The following PIERCE1 variants were observed in gnomAD, a reference collection of about 807,000 sequenced individuals.
The protein encoded by PIERCE1 is piercer of microtubule wall 1.
the PIERCE1 span, chr9:135,499,675 G>A: frequency 5.6e-6 from 9 of 1,604,364 alleles, no homozygotes; most frequent in Non-Finnish European, 5.9e-6. Context: ...TCGAGCAGTG[G>A]ACGCCAGGAC....
chr9:135,496,864 C>T, the PIERCE1 span, among the ~76,000 whole-genome samples: 2 of 147,474 alleles, frequency 1.4e-5, no homozygotes, highest in African/African-American at 5.0e-5. Flanking sequence ...ATGGCGCCAT[C>T]TCAGCTCACT....
the PIERCE1 span, chr9:135,498,441 A>T: frequency 1.5e-6 from 1 of 653,120 alleles, no homozygotes; most frequent in Non-Finnish European, 2.6e-6. The surrounding 1 kb of genome is among the most constrained non-coding windows in gnomAD (Gnocchi z 4.1). Context: ...CCTCCTCCCC[A>T]TTTGTGATGC....
the PIERCE1 span, chr9:135,498,448 A>G: frequency 1.5e-6 from 1 of 669,292 alleles, no homozygotes. The surrounding 1 kb of genome is among the most constrained non-coding windows in gnomAD (Gnocchi z 4.1). Context: ...CCCATTTGTG[A>G]TGCTGGAACT....
At chr9:135,497,123 A>G in the PIERCE1 span, among the ~76,000 whole-genome samples, 2 of 152,224 alleles carry the variant, frequency 1.3e-5, no homozygotes, top group East Asian at 3.9e-4. Context: ...AATGCAAAGC[A>G]TTTATCTTCT....
At chr9:135,496,185 C>T in the PIERCE1 span, among the ~76,000 whole-genome samples, 1 of 152,132 alleles carries the variant, frequency 6.6e-6, no homozygotes, top group Admixed American at 6.5e-5. Context: ...GGTGTGGTGG[C>T]GGGCGCATGT....
chr9:135,498,594 G>C, the PIERCE1 span: 1 of 1,613,794 alleles, frequency 6.2e-7, no homozygotes, highest in South Asian at 1.1e-5. The surrounding 1 kb of genome is among the most constrained non-coding windows in gnomAD (Gnocchi z 4.1). Context: ...CAGGCATCTC[G>C]TGCACGGTGG....
At chr9:135,499,854 T>C in the PIERCE1 span, 62 of 1,558,968 alleles carry the variant, frequency 4.0e-5, no homozygotes, top group South Asian at 2.0e-4. Context: ...TCAGCCATTG[T>C]GCCTGGAGGA....
the PIERCE1 span, chr9:135,499,799 G>A: frequency 1.1e-5 from 17 of 1,603,350 alleles, no homozygotes; most frequent in Non-Finnish European, 1.4e-5. Context: ...CGGCGGGGCC[G>A]TGGCCTTGGG....
At chr9:135,498,739 C>T in the PIERCE1 span, 70 of 1,361,426 alleles carry the variant, frequency 5.1e-5, no homozygotes, top group African/African-American at 6.4e-4. The surrounding 1 kb of genome is among the most constrained non-coding windows in gnomAD (Gnocchi z 4.1). Context: ...ATTTGGTTGA[C>T]GGCACTCCCC....
At chr9:135,499,388 T>C in the PIERCE1 span, 3 of 609,724 alleles carry the variant, frequency 4.9e-6, no homozygotes, top group Admixed American at 2.2e-5. Flanking sequence ...GTGGAGGTGC[T>C]GCTGTGCTCA....
chr9:135,496,147 T>C, the PIERCE1 span, among the ~76,000 whole-genome samples: 64,016 of 152,014 alleles, frequency 0.42, 14,241 homozygotes, highest in East Asian at 0.84. Context: ...AAATGCCGTC[T>C]CTACTAAAAA....
chr9:135,498,571 T>G, the PIERCE1 span: 2 of 1,612,764 alleles, frequency 1.2e-6, no homozygotes, highest in Non-Finnish European at 1.7e-6. This position sits in a 1 kb window ranked among gnomAD's most constrained non-coding sequence, Gnocchi z 4.1. Flanking sequence ...TGCCCGGTCT[T>G]GCATCCCACT....
chr9:135,498,566 G>A, the PIERCE1 span: 25 of 1,610,562 alleles, frequency 1.6e-5, no homozygotes, highest in South Asian at 6.6e-5. This position sits in a 1 kb window ranked among gnomAD's most constrained non-coding sequence, Gnocchi z 4.1. Context: ...CCCCATGCCC[G>A]GTCTTGCATC....
At chr9:135,499,645 GTC>G in the PIERCE1 span, 2 of 1,575,140 alleles carry the variant, frequency 1.3e-6, no homozygotes, top group African/African-American at 1.3e-5. Flanking sequence ...GTCTTGCGGG[GTC>G]TCTCACACAC....
chr9:135,499,645 G>A, the PIERCE1 span: 3 of 1,575,148 alleles, frequency 1.9e-6, no homozygotes, highest in Non-Finnish European at 1.7e-6. Flanking sequence ...GTCTTGCGGG[G>A]TCTCTCACAC....
At chr9:135,498,479 A>C in the PIERCE1 span, 3 of 907,400 alleles carry the variant, frequency 3.3e-6, no homozygotes, top group Non-Finnish European at 5.1e-6. This position sits in a 1 kb window ranked among gnomAD's most constrained non-coding sequence, Gnocchi z 4.1. Context: ...CCCTGGGTGC[A>C]CCCCTCCCCG....
At chr9:135,498,593 C>T in the PIERCE1 span, 11 of 1,613,894 alleles carry the variant, frequency 6.8e-6, no homozygotes, top group South Asian at 1.1e-5. The surrounding 1 kb of genome is among the most constrained non-coding windows in gnomAD (Gnocchi z 4.1). Context: ...ACAGGCATCT[C>T]GTGCACGGTG....
chr9:135,497,472 T>C, the PIERCE1 span, among the ~76,000 whole-genome samples: 1 of 152,006 alleles, frequency 6.6e-6, no homozygotes, highest in Admixed American at 6.6e-5. Flanking sequence ...CAGGGTGGAA[T>C]GCAATGGCAT....
the PIERCE1 span, chr9:135,495,711 T>C: frequency 8.3e-7 from 1 of 1,207,402 alleles, no homozygotes; most frequent in East Asian, 2.5e-5. Context: ...CATAAGAAAA[T>C]GCAGAGAAGC....
Sources: gnomAD v4.1 joint callset for allele counts (sites outside exome capture counted in the v4.1 genomes callset) on GRCh38, gnomAD v4.1.1 for gene constraint, Gnocchi (gnomAD v3.1) non-coding constraint, MANE v1.5 for transcripts, NCBI Gene and HGNC (gene_info 2026-07-23, HGNC 2026-07-21) for gene names.